Variants in PITPNC1 observed in about 807,000 individuals in gnomAD.
PITPNC1 encodes phosphatidylinositol transfer protein cytoplasmic 1.
PITPNC1 carries 18 observed loss-of-function variants against 44.7 expected under a neutral mutation model. That is an observed-to-expected ratio of 0.40 (90% CI 0.28 to 0.60). The LOEUF is 0.60. Ranked by LOEUF, PITPNC1 falls within the 20% of genes least tolerant of loss-of-function variation. The pLI is 0.39. For synonymous variants in PITPNC1, 141 were observed against 149.6 expected (o/e 0.94, Z 0.42); for missense variants, 290 against 418.4 (o/e 0.69, Z 2.68).
At chr17:67,679,505 TTCTC>T (rs2144428876) in intron 8 of PITPNC1, among the ~76,000 whole-genome samples, 2 of 152,306 alleles carry the variant, frequency 1.3e-5, no homozygotes, top group South Asian at 4.1e-4. Flanking sequence ...CTAGATGTCT[TTCTC>T]TCTAATTAGA....
At chr17:67,544,882 C>G (rs77488675) in intron 2 of PITPNC1, among the ~76,000 whole-genome samples, 1,731 of 152,158 alleles carry the variant, frequency 0.011, 31 homozygotes, top group African/African-American at 0.04. Context: ...TTCCACTGCC[C>G]GGGCAACAGG....
intron 1 of PITPNC1, among the ~76,000 whole-genome samples, chr17:67,501,836 A>G (rs928647959): frequency 6.6e-6 from 1 of 151,784 alleles, no homozygotes; most frequent in Non-Finnish European, 1.5e-5. Context: ...TCTGTCTCAA[A>G]AAAAAAAAAA....
intron 6 of PITPNC1, among the ~76,000 whole-genome samples, chr17:67,651,867 T>G (rs1251231863): frequency 6.6e-6 from 1 of 152,194 alleles, no homozygotes; most frequent in African/African-American, 2.4e-5. Context: ...CTCTTAAGAT[T>G]CAAGTTCAAG....
At chr17:67,559,122 C>G (rs1224512800) in intron 4 of PITPNC1, among the ~76,000 whole-genome samples, 1 of 152,162 alleles carries the variant, frequency 6.6e-6, no homozygotes, top group Non-Finnish European at 1.5e-5. Context: ...GTTTAGAGAC[C>G]AGTGACCCCC....
chr17:67,455,320 T>C (rs1323056561), intron 1 of PITPNC1, among the ~76,000 whole-genome samples: 1 of 152,214 alleles, frequency 6.6e-6, no homozygotes, highest in Non-Finnish European at 1.5e-5. Context: ...TTTTTCACCA[T>C]TAGACTGAAC....
intron 1 of PITPNC1, among the ~76,000 whole-genome samples, chr17:67,449,431 C>T (rs2039145651): frequency 6.6e-6 from 1 of 152,130 alleles, no homozygotes; most frequent in Non-Finnish European, 1.5e-5. Flanking sequence ...ATTTTGAAGC[C>T]TTGCTGACGA....
chr17:67,533,459 A>G (rs1434007706), intron 2 of PITPNC1, among the ~76,000 whole-genome samples: 1 of 151,674 alleles, frequency 6.6e-6, no homozygotes, highest in African/African-American at 2.4e-5. Context: ...GCAGTGAGCC[A>G]TGATCATGCC....
chr17:67,446,335 A>G (rs1037577941), intron 1 of PITPNC1, among the ~76,000 whole-genome samples: 53 of 151,778 alleles, frequency 3.5e-4, no homozygotes, highest in African/African-American at 1.2e-3. Flanking sequence ...CCTCTTCAGG[A>G]CTTTCTAAAA....
At chr17:67,640,528 A>G (rs1224015960) in intron 6 of PITPNC1, among the ~76,000 whole-genome samples, 1 of 151,090 alleles carries the variant, frequency 6.6e-6, no homozygotes, top group Non-Finnish European at 1.5e-5. Context: ...AAAAATACAA[A>G]AATTAGCCAC....
At chr17:67,460,710 C>T (rs9904750) in intron 1 of PITPNC1, among the ~76,000 whole-genome samples, 2,017 of 150,526 alleles carry the variant, frequency 0.013, 41 homozygotes, top group African/African-American at 0.041. Flanking sequence ...CCACCGTGCC[C>T]GGCCCTTTCT....
chr17:67,473,078 A>G (rs566078495), intron 1 of PITPNC1, among the ~76,000 whole-genome samples: 38 of 152,020 alleles, frequency 2.5e-4, no homozygotes, highest in Non-Finnish European at 1.6e-4. Context: ...GGGTTTCACC[A>G]TGTTAGCCAG....
chr17:67,472,569 T>C (rs2039556628), intron 1 of PITPNC1, among the ~76,000 whole-genome samples: 1 of 147,052 alleles, frequency 6.8e-6, no homozygotes, highest in Non-Finnish European at 1.5e-5. Context: ...ATGGTGTGAA[T>C]CCAGGAGGAG....
intron 1 of PITPNC1, among the ~76,000 whole-genome samples, chr17:67,495,040 GTTTTTTTTTTTGT>G (rs1452841650): frequency 0.012 from 745 of 64,718 alleles, 11 homozygotes; most frequent in South Asian, 0.034. Context: ...CCATGGAGTT[GTTTTTTTTTTTGT>G]TTTTTTTTTT....
intron 1 of PITPNC1, among the ~76,000 whole-genome samples, chr17:67,383,376 C>A (rs894925122): frequency 1.3e-5 from 2 of 152,212 alleles, no homozygotes; most frequent in Non-Finnish European, 2.9e-5. Context: ...AATTCTCCCT[C>A]CTCTGAGATT....
At chr17:67,532,018 A>G (rs547891142) in intron 1 of PITPNC1, among the ~76,000 whole-genome samples, 1 of 152,352 alleles carries the variant, frequency 6.6e-6, no homozygotes, top group Admixed American at 6.5e-5. Flanking sequence ...GGAACAGCTC[A>G]TACATGAAAA....
chr17:67,420,502 G>A (rs900070043), intron 1 of PITPNC1, among the ~76,000 whole-genome samples: 8 of 148,900 alleles, frequency 5.4e-5, no homozygotes, highest in Non-Finnish European at 8.9e-5. Flanking sequence ...GCGCTATCTC[G>A]GCTCACTGCA....
chr17:67,378,055 G>A lies in PITPNC1; in HGVS notation c.-100G>A. 1.5e-6 allele frequency: 1 copy of A among 646,664 alleles called. No homozygotes were observed. The highest frequency in any genetic ancestry group is 2.4e-6 in the Non-Finnish European group (1 of 421,284). 40.1% of individuals were successfully genotyped at this position (646,664 alleles called of 1,614,324 possible). A position where few individuals can be genotyped will look rare whatever the true frequency, so the allele number is the denominator to read the frequency against. Reference sequence around the variant, plus strand: ...GCTGCTTCGCCCTCCGGCTCCGAGCGCCGGGCTCCGGGCGCCCTGCCCTGC... The same window carrying A: ...GCTGCTTCGCCCTCCGGCTCCGAGCACCGGGCTCCGGGCGCCCTGCCCTGC... On this transcript the variant is annotated 5_prime_UTR_variant, in exon 1 of 9. Coordinates refer to ENST00000581322, the MANE Select transcript of PITPNC1 (RefSeq NM_012417.4).
At chr17:67,626,707 T>C (rs1224198910) in intron 5 of PITPNC1, among the ~76,000 whole-genome samples, 14 of 151,826 alleles carry the variant, frequency 9.2e-5, no homozygotes, top group Admixed American at 7.9e-4. Context: ...TGATTGCCAA[T>C]GTAGGACCCA....
chr17:67,653,537 CTT>C (rs953327356), intron 6 of PITPNC1, among the ~76,000 whole-genome samples: 5 of 151,310 alleles, frequency 3.3e-5, no homozygotes, highest in African/African-American at 1.2e-4. Context: ...GTGTGATTAT[CTT>C]TTTGTTGTTG....
Sources: gnomAD v4.1 joint callset for allele counts (sites outside exome capture counted in the v4.1 genomes callset) on GRCh38, gnomAD v4.1.1 for gene constraint, MANE v1.5 for transcripts, NCBI Gene and HGNC (gene_info 2026-07-23, HGNC 2026-07-21) for gene names.